CEP57L1: variants seen among roughly 807,000 people sequenced by gnomAD.
CEP57L1 encodes centrosomal protein 57 like 1, also known as centrosomal protein CEP57L1.
In CEP57L1, 37 loss-of-function variants were observed where a neutral mutation model predicts 61.0. The ratio of observed to expected loss-of-function variants is 0.61; its 90% CI spans 0.47 to 0.80. CEP57L1 has a LOEUF of 0.80. Ranked by LOEUF, CEP57L1 falls within the 30% of genes least tolerant of loss-of-function variation. The pLI is 0.00. For synonymous variants in CEP57L1, 137 were observed against 162.3 expected (o/e 0.84, Z 1.19); for missense variants, 422 against 524.7 (o/e 0.80, Z 1.91).
chr6:109,150,364 A>AGG, intron 4 of CEP57L1, 125 bp downstream of exon 4: 1 of 1,129,292 alleles, frequency 8.9e-7, no homozygotes, highest in Non-Finnish European at 1.3e-6. Context: ...ACTTACGTGT[A>AGG]ATTGGAGTTT....
chr6:109,152,356 A>G (rs909905846), intron 4 of CEP57L1, among the ~76,000 whole-genome samples: 3 of 151,768 alleles, frequency 2.0e-5, no homozygotes, highest in African/African-American at 7.3e-5. Context: ...AACTTTTTGT[A>G]TTTTTAGTAG....
intron 1 of CEP57L1, among the ~76,000 whole-genome samples, chr6:109,125,525 T>TATACACATATATATATATA (rs11454984): frequency 9.3e-6 from 1 of 107,544 alleles, no homozygotes; most frequent in African/African-American, 3.7e-5. Context: ...TATATATATA[T>TATACACATATATATATATA]TTTTTTTTTA....
In CEP57L1 at chr6:109,150,100, A is replaced by T. The variant is rs1270474310; in HGVS notation, c.341-18A>T. On this transcript the variant is annotated intron_variant, in intron 3 of 10. Transcript: ENST00000517392. ...TTTGACTTCCTCTTTTCCTAATTGA[A>T]TACCCTTTATTTCATAGATATAAGT... 6.7e-7 allele frequency: 1 copy of T among 1,494,964 alleles called. No homozygotes were observed. Among genetic ancestry groups the T allele is most frequent in the Non-Finnish European group, 9.3e-7 (1 of 1,080,856 alleles). 92.6% of individuals were successfully genotyped at this position (1,494,964 alleles called of 1,614,324 possible).
chr6:109,125,032 G>A (rs905819339), intron 1 of CEP57L1: 1 of 152,152 alleles, frequency 6.6e-6, no homozygotes, highest in Admixed American at 6.6e-5. Context: ...CTAGAAACAG[G>A]TAGGTAGACA....
intron 1 of CEP57L1, among the ~76,000 whole-genome samples, chr6:109,126,885 T>C (rs371839740): frequency 6.6e-6 from 1 of 152,224 alleles, no homozygotes. Flanking sequence ...AACTGGCTGT[T>C]GGCCAGGCAC....
chr6:109,144,468 A>G (rs940061096), intron 1 of CEP57L1, among the ~76,000 whole-genome samples: 3 of 152,172 alleles, frequency 2.0e-5, no homozygotes, highest in Non-Finnish European at 4.4e-5. Context: ...ACTGGAATCT[A>G]TTAAAAAATA....
In CEP57L1 at chr6:109,167,341, C is replaced by G. The variant is rs191589930; in HGVS notation, c.*4371C>G. ...AAGAATTAGGTGAATTTTTTTTTTC[C>G]TGGTAGGTTTATTGGGAGTGTTCTC... On this transcript the variant is annotated 3_prime_UTR_variant, in exon 11 of 11. Coordinates refer to ENST00000517392, the MANE Select transcript of CEP57L1 (RefSeq NM_001271852.3). Among the ~76,000 whole-genome samples the G allele has an allele frequency of 1.4e-3, 206 of 149,582 alleles. No individual in the cohort carries two copies. The highest frequency in any genetic ancestry group is 4.9e-3 in the African/African-American group (198 of 40,672).
chr6:109,156,086 A>G, intron 7 of CEP57L1: 1 of 367,994 alleles, frequency 2.7e-6, no homozygotes, highest in Non-Finnish European at 4.9e-6. Context: ...AGCAGCAGTC[A>G]TGTACAAAAT....
intron 10 of CEP57L1, 126 bp downstream of exon 10, chr6:109,160,842 C>T (rs1583677390): frequency 2.4e-6 from 2 of 843,110 alleles, no homozygotes; most frequent in East Asian, 6.2e-5. Flanking sequence ...GGATGGTAAT[C>T]CCTTAGGCCT....
rs1384584078 is a variant in CEP57L1, at chr6:109,174,360, C to A, written c.*11390C>A. ...GAATGGTTACACAAACCAAGCAAAA[C>A]CTTCTGTAAAGTTTCTACCCTTTGC... On this transcript the variant is annotated 3_prime_UTR_variant, in exon 11 of 11. Transcript: ENST00000517392. Among the ~76,000 whole-genome samples, 1 of 152,176 alleles carries A rather than the reference C, an allele frequency of 6.6e-6. No individual in the cohort carries two copies. Among genetic ancestry groups the A allele is most frequent in the Non-Finnish European group, 1.5e-5 (1 of 68,036 alleles).
intron 1 of CEP57L1, among the ~76,000 whole-genome samples, chr6:109,110,312 T>TA (rs1489939824): frequency 6.6e-6 from 1 of 152,236 alleles, no homozygotes; most frequent in African/African-American, 2.4e-5. Flanking sequence ...CTTTTTTTCA[T>TA]ATGTTTGTTG....
rs144358479 is a variant in CEP57L1 at position 109,141,073 on chromosome 6, G to A, written c.-3-4146G>A. ...TCTCGATCTCCTGACCTCGTAATCC[G>A]CCCGCCTCGGCCTCCCAAAGTGCTG... is the stretch of plus-strand genomic sequence containing the variant. On this transcript the variant is annotated intron_variant, in intron 1 of 10. Transcript: ENST00000517392. Among the ~76,000 whole-genome samples the A allele has an allele frequency of 8.0e-3, 1,207 of 151,616 alleles. 20 individuals carry two copies. The highest frequency in any genetic ancestry group is 0.028 in the African/African-American group (1,156 of 41,372).
chr6:109,113,445 A>T (rs9386769), intron 1 of CEP57L1, among the ~76,000 whole-genome samples: 1 of 152,056 alleles, frequency 6.6e-6, no homozygotes, highest in African/African-American at 2.4e-5. Flanking sequence ...GATCTAATAC[A>T]CTGATTTGAT....
chr6:109,127,122 C>T (rs371647087), intron 1 of CEP57L1, among the ~76,000 whole-genome samples: 5 of 152,190 alleles, frequency 3.3e-5, no homozygotes, highest in African/African-American at 7.2e-5. Context: ...GCCGAGATCG[C>T]GCCACTGCAC....
rs926667072 is a variant in CEP57L1, at chr6:109,174,208, T to C, written c.*11238T>C. The stretch of plus-strand genomic sequence containing the variant: ...TGTCTAAGATGGATACTTTACTCTT[T>C]TCTTTTGAGAAGGGAGAGAGTATGT... On this transcript the variant is annotated 3_prime_UTR_variant, in exon 11 of 11. Coordinates refer to ENST00000517392, the MANE Select transcript of CEP57L1 (RefSeq NM_001271852.3). 3.3e-5 allele frequency among the ~76,000 whole-genome samples: 5 copies of C among 152,200 alleles called. No individual in the cohort carries two copies. Among genetic ancestry groups the C allele is most frequent in the Admixed American group, 3.3e-4 (5 of 15,272 alleles).
chr6:109,155,011 G>A (rs937452407), intron 5 of CEP57L1, among the ~76,000 whole-genome samples: 1 of 151,868 alleles, frequency 6.6e-6, no homozygotes, highest in East Asian at 1.9e-4. Flanking sequence ...CTTTCCCTTT[G>A]TTCTTCTTGT....
At chr6:109,120,185 C>T (rs1772788780) in intron 1 of CEP57L1, among the ~76,000 whole-genome samples, 1 of 152,036 alleles carries the variant, frequency 6.6e-6, no homozygotes. Flanking sequence ...AGGATTTATC[C>T]CCAAGGAGTT....
rs1450558630 is a variant in CEP57L1, at chr6:109,169,654, A to C, written c.*6684A>C. Reference sequence around the variant, plus strand: ...TCAGTATGAATCCCTTAACAAAATGACCTCATTATGCTACCTCTTGGTAAA... The same window carrying C: ...TCAGTATGAATCCCTTAACAAAATGCCCTCATTATGCTACCTCTTGGTAAA... On this transcript the variant is annotated 3_prime_UTR_variant, in exon 11 of 11. Coordinates refer to ENST00000517392, the MANE Select transcript of CEP57L1 (RefSeq NM_001271852.3). 6.6e-6 allele frequency among the ~76,000 whole-genome samples: 1 copy of C among 152,174 alleles called. No homozygotes were observed. The highest frequency in any genetic ancestry group is 2.4e-5 in the African/African-American group (1 of 41,438).
In CEP57L1 at chr6:109,171,815, T is replaced by G. The variant is rs902090018; in HGVS notation, c.*8845T>G. ...ATAATCATCATATCAGAGGTCATCA[T>G]GTATCCTTAGATATCAGCATTGCCA... On this transcript the variant is annotated 3_prime_UTR_variant, in exon 11 of 11. Coordinates refer to ENST00000517392, the MANE Select transcript of CEP57L1 (RefSeq NM_001271852.3). 1.3e-5 allele frequency among the ~76,000 whole-genome samples: 2 copies of G among 152,236 alleles called. No individual in the cohort carries two copies. Among genetic ancestry groups the G allele is most frequent in the Non-Finnish European group, 2.9e-5 (2 of 68,040 alleles).
Sources: allele counts gnomAD v4.1 joint callset (sites outside exome capture counted in the v4.1 genomes callset), GRCh38; gene constraint gnomAD v4.1.1; transcripts MANE v1.5; gene names NCBI Gene and HGNC (gene_info 2026-07-23, HGNC 2026-07-21).